ZNF804B: variants seen among roughly 807,000 people sequenced by gnomAD.
ZNF804B encodes the protein zinc finger 804B.
ZNF804B carries 80 observed loss-of-function variants against 101.4 expected under a neutral mutation model. That is an observed-to-expected ratio of 0.79 (90% CI 0.66 to 0.95). The LOEUF is 0.95. ZNF804B is among the 40% of genes least tolerant of loss of function. The probability of loss-of-function intolerance (pLI) is 0.00; values close to 1 mark genes in which losing one functional copy is unlikely to be tolerated. For synonymous variants in ZNF804B, 622 were observed against 558.8 expected (o/e 1.11, Z -1.59); for missense variants, 1,673 against 1,561.9 (o/e 1.07, Z -1.20).
chr7:89,301,557 A>C (rs180828196), intron 2 of ZNF804B, among the ~76,000 whole-genome samples: 1 of 151,876 alleles, frequency 6.6e-6, no homozygotes, highest in African/African-American at 2.4e-5. Context: ...GCAATGTTTC[A>C]GCTAAAAATA....
At chr7:88,889,082 C>T (rs1200921156) in intron 1 of ZNF804B, among the ~76,000 whole-genome samples, 3 of 152,118 alleles carry the variant, frequency 2.0e-5, no homozygotes, top group Middle Eastern at 3.2e-3. Flanking sequence ...GGGTAATAGT[C>T]TCCAGTTGAA....
At chr7:88,832,626 T>A (rs1791149536) in intron 1 of ZNF804B, among the ~76,000 whole-genome samples, 1 of 151,966 alleles carries the variant, frequency 6.6e-6, no homozygotes, top group East Asian at 1.9e-4. Context: ...TAGGGAAGAA[T>A]TATTGATATA....
intron 1 of ZNF804B, among the ~76,000 whole-genome samples, chr7:88,858,310 G>T (rs996168245): frequency 6.6e-6 from 1 of 152,064 alleles, no homozygotes; most frequent in South Asian, 2.1e-4. Context: ...GTAGCAATTA[G>T]TTAAATTTGA....
At chr7:89,234,405 A>G (rs1043494617) in intron 2 of ZNF804B, among the ~76,000 whole-genome samples, 3 of 152,166 alleles carry the variant, frequency 2.0e-5, no homozygotes, top group Admixed American at 1.3e-4. Flanking sequence ...AACTTTAGGT[A>G]TAATCTACTT....
rs187494139 is a variant in ZNF804B at position 88,862,107 on chromosome 7, T to A, written c.108+102023T>A. On this transcript the variant is annotated intron_variant, in intron 1 of 3. Transcript: ENST00000333190. ...TTACTAAATAACGTACTCAGTTTAA[T>A]AGAACTTTTGGGTTGAATTATGTGC... is the stretch of plus-strand genomic sequence containing the variant. Among the ~76,000 whole-genome samples the A allele has an allele frequency of 2.6e-5, 4 of 152,332 alleles. No homozygotes were observed. The East Asian group carries it at 7.7e-4, about 29-fold the overall frequency.
At chr7:89,287,192 C>T (rs1790213105) in intron 2 of ZNF804B, among the ~76,000 whole-genome samples, 1 of 151,996 alleles carries the variant, frequency 6.6e-6, no homozygotes, top group Admixed American at 6.6e-5. Context: ...ATTTGTAAGG[C>T]TTCTGGTAAA....
rs552101106 is a variant in ZNF804B at position 89,060,914 on chromosome 7, C to A, written c.109-157241C>A. Among the ~76,000 whole-genome samples, 14 of 152,198 alleles carry A rather than the reference C, an allele frequency of 9.2e-5. No homozygotes were observed. The South Asian group carries it at 2.9e-3, about 32-fold the overall frequency. On this transcript the variant is annotated intron_variant, in intron 1 of 3. Coordinates refer to ENST00000333190, the MANE Select transcript of ZNF804B (RefSeq NM_181646.5). ...TTTCTTGATATCCTGGCTTTATTGG[C>A]AACTGCATATGGAGTGGTGACACAA...
At chr7:88,977,255 T>C (rs1042194023) in intron 1 of ZNF804B, among the ~76,000 whole-genome samples, 2 of 151,016 alleles carry the variant, frequency 1.3e-5, no homozygotes, top group Admixed American at 6.6e-5. Context: ...ACTGGCCTTG[T>C]AGAATGAGTT....
intron 1 of ZNF804B, among the ~76,000 whole-genome samples, chr7:89,178,154 G>A (rs2115571885): frequency 6.6e-6 from 1 of 151,872 alleles, no homozygotes; most frequent in Admixed American, 6.6e-5. Context: ...TTTAGTCTTT[G>A]TGTGTCTCTA....
At chr7:89,067,062 C>T (rs188420716) in intron 1 of ZNF804B, among the ~76,000 whole-genome samples, 1 of 152,158 alleles carries the variant, frequency 6.6e-6, no homozygotes, top group Non-Finnish European at 1.5e-5. Flanking sequence ...AAATTGGGAT[C>T]CAACACTGGT....
chr7:89,328,404 T>C (rs1304027626), intron 3 of ZNF804B, among the ~76,000 whole-genome samples: 1 of 151,874 alleles, frequency 6.6e-6, no homozygotes, highest in Non-Finnish European at 1.5e-5. Context: ...ACATAAAAGA[T>C]AATCATATTA....
intron 1 of ZNF804B, among the ~76,000 whole-genome samples, chr7:89,036,650 AAG>A (rs1215591029): frequency 6.6e-6 from 1 of 152,108 alleles, no homozygotes; most frequent in Non-Finnish European, 1.5e-5. Flanking sequence ...TAACTTAGAA[AAG>A]AGTTTTTCAT....
Position 89,182,266 on chromosome 7 carries a change from C to T in ZNF804B, c.109-35889C>T, listed in dbSNP as rs528685937. ...AGACACTTAGAGATATGTTAAAGCA[C>T]TTATTCCGAAGACTAAGCTAATTTG... On this transcript the variant is annotated intron_variant, in intron 1 of 3. Coordinates refer to ENST00000333190, the MANE Select transcript of ZNF804B (RefSeq NM_181646.5). Among the ~76,000 whole-genome samples, 21 of 152,276 alleles carry T rather than the reference C, an allele frequency of 1.4e-4. No individual in the cohort carries two copies. The South Asian group carries it at 3.9e-3, about 29-fold the overall frequency.
chr7:89,273,803 A>G (rs1264805040), intron 2 of ZNF804B, among the ~76,000 whole-genome samples: 1 of 152,202 alleles, frequency 6.6e-6, no homozygotes, highest in Non-Finnish European at 1.5e-5. Flanking sequence ...TTCCTAGGCC[A>G]TCAGCATTTC....
intron 1 of ZNF804B, among the ~76,000 whole-genome samples, chr7:88,896,259 G>C (rs779321113): frequency 6.6e-6 from 1 of 152,168 alleles, no homozygotes; most frequent in Non-Finnish European, 1.5e-5. Flanking sequence ...GGATTCATTA[G>C]CTGTTTCAAA....
intron 1 of ZNF804B, among the ~76,000 whole-genome samples, chr7:89,019,979 G>A (rs951486618): frequency 2.6e-5 from 4 of 151,922 alleles, no homozygotes; most frequent in Non-Finnish European, 1.5e-5. Flanking sequence ...ACTTACTACT[G>A]TTTTTTATTC....
At chr7:89,329,264 AT>A (rs1006142676) in intron 3 of ZNF804B, among the ~76,000 whole-genome samples, 1 of 151,132 alleles carries the variant, frequency 6.6e-6, no homozygotes, top group African/African-American at 2.4e-5. Context: ...TAGGAAAATA[AT>A]TTTTTTTTAT....
At chr7:88,805,081 T>G (rs1790664538) in intron 1 of ZNF804B, among the ~76,000 whole-genome samples, 1 of 152,184 alleles carries the variant, frequency 6.6e-6, no homozygotes, top group Non-Finnish European at 1.5e-5. Context: ...ATCTGAATTT[T>G]ATGACACTTA....
At chr7:89,007,132 C>T (rs150423344) in intron 1 of ZNF804B, among the ~76,000 whole-genome samples, 1 of 152,076 alleles carries the variant, frequency 6.6e-6, no homozygotes, top group East Asian at 1.9e-4. Flanking sequence ...GAAAGCTTGG[C>T]AGTCTTTGGG....
Sources: allele counts gnomAD v4.1 joint callset (sites outside exome capture counted in the v4.1 genomes callset), GRCh38; gene constraint gnomAD v4.1.1; transcripts MANE v1.5; gene names NCBI Gene and HGNC (gene_info 2026-07-23, HGNC 2026-07-21).